The following ACAP3 variants were observed in gnomAD, a reference collection of about 807,000 sequenced individuals.
ACAP3 encodes ArfGAP with coiled-coil, ankyrin repeat and PH domains 3, also known as arf-GAP with coiled-coil, ANK repeat and PH domain-containing protein 3.
A neutral mutation model predicts 104.1 loss-of-function variants in ACAP3; 56 were observed. That is an observed-to-expected ratio of 0.54 (90% confidence interval 0.43 to 0.67). The LOEUF (loss-of-function observed/expected upper bound fraction) is 0.67. Among genes scored for constraint, ACAP3 ranks in the 30% least tolerant of loss-of-function variants. The pLI, the probability that ACAP3 is intolerant of heterozygous loss-of-function variation, is 0.00. For synonymous variants in ACAP3, 628 were observed against 496.2 expected (o/e 1.27, Z -3.53); for missense variants, 1,208 against 1,174.9 (o/e 1.03, Z -0.41).
rs1570633271 is a variant in ACAP3, at chr1:1,295,788, G to C, written c.1653C>G (p.Arg551=). The C allele has an allele frequency of 6.2e-7, 1 of 1,609,026 alleles. No homozygotes were observed. Among genetic ancestry groups the C allele is most frequent in the Non-Finnish European group, 8.5e-7 (1 of 1,179,686 alleles). ...GAACGGGCTCAAGCCGGACCTTGCG[G>C]CGGGCAGTGGGAGCGCGGGGAGAGC... The part of the protein sequence containing the change: ...PHSSPRAPTA[R]RKVRLEPVLP... The change falls in exon 18 of 24, where the codon CGC becomes CGG. Residue 551 remains arginine, a synonymous_variant. Transcript: ENST00000354700.
At position 1,294,136 on chromosome 1, in the gene ACAP3, G is replaced by C; in HGVS notation, c.2203C>G (p.Arg735Gly). The change falls in exon 22 of 24, where the codon CGG becomes GGG. Residue 735 changes from arginine (R) to glycine (G), a missense_variant. By Grantham distance (125) the Arg-to-Gly change is moderately radical. Transcript: ENST00000354700. ...NGADVNQRDS[R>G]GRAPLHHATL... ...GCGTGGTGCAGGGGCGCCCGGCCCC[G>C]GCTGTCTCTTTGGTTCACGTCCGCT... 1 of 1,594,242 alleles carries C rather than the reference G, an allele frequency of 6.3e-7. No individual in the cohort carries two copies.
intron 19 of ACAP3, 148 bp downstream of exon 19, chr1:1,295,299 C>T: frequency 1.5e-6 from 1 of 677,340 alleles, no homozygotes; most frequent in Admixed American, 2.6e-5. Flanking sequence ...ACAGTCAGGG[C>T]CTTGGCCTCC....
At chr1:1,306,861 T>C (rs758921241) in intron 1 of ACAP3, among the ~76,000 whole-genome samples, 5 of 152,214 alleles carry the variant, frequency 3.3e-5, no homozygotes, top group Non-Finnish European at 7.3e-5. Context: ...ACACAGTACG[T>C]GAACCCACAC....
chr1:1,298,149 C>T (rs764644632), intron 12 of ACAP3, 36 bp from the exon 13 acceptor site: 4 of 1,578,488 alleles, frequency 2.5e-6, no homozygotes, highest in East Asian at 4.7e-5. Flanking sequence ...TGCCCTCAGC[C>T]ACCACCCGGC....
intron 1 of ACAP3, among the ~76,000 whole-genome samples, chr1:1,306,315 A>G (rs1233130406): frequency 1.3e-5 from 2 of 151,946 alleles, no homozygotes; most frequent in East Asian, 1.9e-4. Flanking sequence ...GAGGAGGTCC[A>G]TTAGGCTTCT....
intron 19 of ACAP3, chr1:1,295,065 G>T: frequency 1.8e-6 from 1 of 561,574 alleles, no homozygotes; most frequent in Non-Finnish European, 3.1e-6. Flanking sequence ...CCTCCCGCTC[G>T]CCGCCTTACC....
intron 19 of ACAP3, 136 bp downstream of exon 19, chr1:1,295,307 TCCAG>T (rs1326749525): frequency 1.4e-6 from 1 of 721,568 alleles, no homozygotes; most frequent in East Asian, 2.7e-5. Context: ...GGCCTTGGCC[TCCAG>T]CTGTGTGGCC....
In ACAP3 at chr1:1,298,769, C is replaced by T. The variant is rs560184968; in HGVS notation, c.751-90G>A. The T allele has an allele frequency of 7.4e-5, 73 of 982,208 alleles. No individual in the cohort carries two copies. The African/African-American group carries it at 1.2e-3, about 16-fold the overall frequency. The allele number at this position is 982,208 out of a possible 1,614,324, so 60.8% of individuals were successfully genotyped here. A position where few individuals can be genotyped will look rare whatever the true frequency, so the allele number is the denominator to read the frequency against. On this transcript the variant is annotated intron_variant, in intron 10 of 23. Coordinates refer to ENST00000354700, the MANE Select transcript of ACAP3 (RefSeq NM_030649.3). ...CCGGAGCACAGGTGGGGGTGAGGTC[C>T]TTGTCTGAGGCTGCCACACGGCCCA...
rs770216341 is a variant in ACAP3, at chr1:1,297,825, G to A, written c.1125C>T (p.Ser375=). Residue 375 remains serine (S), a synonymous_variant, in exon 14 of 24, where the codon AGC becomes AGT. Coordinates refer to ENST00000354700, the MANE Select transcript of ACAP3 (RefSeq NM_030649.3). The stretch of plus-strand genomic sequence containing the variant: ...GCAGGGGCACCAAGGGCCACACCTC[G>A]CTATAGCAACTGTCAGGGCTCTCGC... ...AYRESPDSCY[S]ERLDRTASPS... is the part of the protein sequence containing the mutation. 8 of 1,610,930 alleles carry A rather than the reference G, an allele frequency of 5.0e-6. No individual in the cohort carries two copies. Among genetic ancestry groups the A allele is most frequent in the Middle Eastern group, 1.7e-4 (1 of 5,858 alleles).
At chr1:1,304,319 TC>T in intron 1 of ACAP3, 176 bp from the exon 2 acceptor site, 2 of 706,410 alleles carry the variant, frequency 2.8e-6, no homozygotes, top group Non-Finnish European at 2.3e-6. Flanking sequence ...TCAGTGCACT[TC>T]CCCCCGCCCC....
chr1:1,297,974 G>A (rs1312310109), intron 13 of ACAP3, 39 bp downstream of exon 13: 5 of 1,610,948 alleles, frequency 3.1e-6, no homozygotes, highest in Non-Finnish European at 4.2e-6. Context: ...CCGGTGGGCA[G>A]GTACGCCCCC....
chr1:1,296,017 G>A lies in ACAP3; in HGVS notation c.1500C>T (p.Ser500=), dbSNP rs1318291422. 2 of 1,612,640 alleles carry A rather than the reference G, an allele frequency of 1.2e-6. No homozygotes were observed. Among genetic ancestry groups the A allele is most frequent in the Non-Finnish European group, 1.7e-6 (2 of 1,179,964 alleles). The part of the protein sequence containing the change: ...AGSRKPTASS[S]RQDKEAWIKD... ...ATCCAGACTGTACCCCACCTCACCG[G>A]GAGCTGCTGGCTGTGGGTTTCCTGC... is the stretch of plus-strand genomic sequence containing the variant. Residue 500 remains serine (S), a splice_region_variant and synonymous_variant, in exon 17 of 24, where the codon TCC becomes TCT. Transcript: ENST00000354700.
intron 9 of ACAP3, 127 bp downstream of exon 9, chr1:1,299,704 A>G (rs1641359574): frequency 8.9e-7 from 1 of 1,121,496 alleles, no homozygotes; most frequent in Non-Finnish European, 1.3e-6. Context: ...TCCCCTAGAG[A>G]GGGTGTGGGC....
intron 12 of ACAP3, 109 bp downstream of exon 12, chr1:1,298,261 G>C (rs963447054): frequency 6.3e-7 from 1 of 1,583,298 alleles, no homozygotes; most frequent in Non-Finnish European, 8.6e-7. Context: ...TTCCGGCTCC[G>C]GCGTCCACTA....
intron 4 of ACAP3, 87 bp from the exon 5 acceptor site, chr1:1,302,133 T>A: frequency 2.5e-6 from 3 of 1,216,204 alleles, no homozygotes; most frequent in Admixed American, 6.0e-5. Context: ...CAGAGGGCAC[T>A]GCCCCCAGGC....
Position 1,294,321 on chromosome 1 carries a change from C to A in ACAP3, c.2139+81G>T, listed in dbSNP as rs181690383. Reference sequence around the variant, plus strand: ...GAACGTGGTCCCCACCGCGGACAGGCGACCCTTGTGTGGGCGCCACAGAAG... The same window carrying A: ...GAACGTGGTCCCCACCGCGGACAGGAGACCCTTGTGTGGGCGCCACAGAAG... On this transcript the variant is annotated intron_variant, in intron 21 of 23. Coordinates refer to ENST00000354700, the MANE Select transcript of ACAP3 (RefSeq NM_030649.3). 6 of 1,517,356 alleles carry A rather than the reference C, an allele frequency of 4.0e-6. No individual in the cohort carries two copies. In the South Asian group the frequency reaches 6.2e-5, roughly 16 times the overall value. The allele number at this position is 1,517,356 out of a possible 1,614,324, so 94.0% of individuals were successfully genotyped here. A position where few individuals can be genotyped will look rare whatever the true frequency, so the allele number is the denominator to read the frequency against.
chr1:1,303,176 C>A lies in ACAP3; in HGVS notation c.211G>T (p.Asp71Tyr). ...VRDLSQQCQGDTVISECLQRF... is the reference protein window; with the variant it reads ...VRDLSQQCQGYTVISECLQRF... ...CGGCCCCTCACCGAGATGACGGTGT[C>A]GCCCTGGCACTGCTGGGACAGGTCG... is the stretch of plus-strand genomic sequence containing the variant. Residue 71 changes from aspartate to tyrosine, a missense_variant, in exon 3 of 24, where the codon GAC becomes TAC. Physicochemically the swap from Asp to Tyr is radical, Grantham distance 160. Coordinates refer to ENST00000354700, the MANE Select transcript of ACAP3 (RefSeq NM_030649.3). This position sits in a 1 kb window ranked among gnomAD's most constrained non-coding sequence, Gnocchi z 4.0. 6.2e-7 allele frequency: 1 copy of A among 1,603,540 alleles called. No individual in the cohort carries two copies. Among genetic ancestry groups the A allele is most frequent in the Non-Finnish European group, 8.5e-7 (1 of 1,176,112 alleles).
chr1:1,299,175 A>AT, intron 10 of ACAP3, 170 bp downstream of exon 10: 1 of 858,366 alleles, frequency 1.2e-6, no homozygotes, highest in Non-Finnish European at 1.8e-6. Context: ...CCCACGGGGA[A>AT]TGTGGAGGTC....
chr1:1,301,753 C>T lies in ACAP3; in HGVS notation c.338+235G>A, dbSNP rs551954069. ...GCCCCAGACTCCAGACCCCCAAACC[C>T]AACGTGGACTGGACCTCTCTGCTGT... is the stretch of plus-strand genomic sequence containing the variant. On this transcript the variant is annotated intron_variant, in intron 5 of 23. Transcript: ENST00000354700. 161 of 386,894 alleles carry T rather than the reference C, an allele frequency of 4.2e-4. No homozygotes were observed. The East Asian group carries it at 6.1e-3, about 15-fold the overall frequency. The allele number at this position is 386,894 out of a possible 1,614,324, so 24.0% of individuals were successfully genotyped here.
Sources: allele counts gnomAD v4.1 joint callset (sites outside exome capture counted in the v4.1 genomes callset), GRCh38; gene constraint gnomAD v4.1.1; non-coding constraint Gnocchi (gnomAD v3.1); transcripts MANE v1.5; gene names NCBI Gene and HGNC (gene_info 2026-07-23, HGNC 2026-07-21).